The following CTNND2 variants were observed in gnomAD, a reference collection of about 807,000 sequenced individuals.
CTNND2 encodes catenin delta 2, also known as catenin delta-2.
In CTNND2, 22 loss-of-function variants were observed where a neutral mutation model predicts 144.4. The ratio of observed to expected loss-of-function variants is 0.15; its 90% CI spans 0.11 to 0.22. The LOEUF (loss-of-function observed/expected upper bound fraction) is 0.22, where lower values mean the gene tolerates loss of function less well. Ranked by LOEUF, CTNND2 falls within the 10% of genes least tolerant of loss-of-function variation. The pLI is 1.00. For synonymous variants in CTNND2, 751 were observed against 695.6 expected, an observed-to-expected ratio of 1.08 and a Z score of -1.25; for missense variants, 1,353 against 1,618.8, an observed-to-expected ratio of 0.84 and a Z score of 2.82.
intron 1 of CTNND2, among the ~76,000 whole-genome samples, chr5:11,882,463 G>A (rs748000030): frequency 7.3e-5 from 11 of 151,274 alleles, no homozygotes; most frequent in African/African-American, 1.2e-4. Context: ...AAATAATAAG[G>A]GTCTAGTTTA....
At position 11,713,818 on chromosome 5, in the gene CTNND2, A is replaced by G. The variant is rs369105392; in HGVS notation, c.174+18318T>C. On this transcript the variant is annotated intron_variant, in intron 2 of 21. Coordinates refer to ENST00000304623, the MANE Select transcript of CTNND2 (RefSeq NM_001332.4). ...AATGAAATATGTCATGGATTTGAAG[A>G]CTAAAATAAATGGTTTGAAACATTC... 1.5e-4 allele frequency among the ~76,000 whole-genome samples: 23 copies of G among 152,230 alleles called. 1 individual carries two copies. The East Asian group carries it at 2.9e-3, about 19-fold the overall frequency.
At chr5:11,486,623 G>A (rs1158646864) in intron 3 of CTNND2, among the ~76,000 whole-genome samples, 1 of 151,946 alleles carries the variant, frequency 6.6e-6, no homozygotes, top group Non-Finnish European at 1.5e-5. Context: ...AATGAAGGAA[G>A]AGCAGAGAAG....
chr5:11,408,432 G>A (rs1417976163), intron 5 of CTNND2, among the ~76,000 whole-genome samples: 1 of 152,048 alleles, frequency 6.6e-6, no homozygotes, highest in African/African-American at 2.4e-5. Context: ...AGGGCAAATG[G>A]TTCTTAAGAA....
At chr5:11,442,125 G>GT (rs1273531616) in intron 3 of CTNND2, among the ~76,000 whole-genome samples, 1 of 152,110 alleles carries the variant, frequency 6.6e-6, no homozygotes, top group Non-Finnish European at 1.5e-5. Context: ...TTATAATTCT[G>GT]TGAGTCAGAG....
At chr5:11,618,554 C>T (rs1023253732) in intron 2 of CTNND2, among the ~76,000 whole-genome samples, 2 of 152,192 alleles carry the variant, frequency 1.3e-5, no homozygotes, top group African/African-American at 4.8e-5. Flanking sequence ...GGTGCATGCA[C>T]ATATATCTTA....
chr5:11,719,867 CA>C (rs1786563218), intron 2 of CTNND2, among the ~76,000 whole-genome samples: 1 of 149,608 alleles, frequency 6.7e-6, no homozygotes, highest in African/African-American at 2.5e-5. Flanking sequence ...CACACACACA[CA>C]CACACACACC....
chr5:11,064,255 T>C (rs1161262395), intron 16 of CTNND2, among the ~76,000 whole-genome samples: 4 of 152,202 alleles, frequency 2.6e-5, no homozygotes, highest in Non-Finnish European at 4.4e-5. Flanking sequence ...TTTATGCACA[T>C]ATTTGAGCTC....
At chr5:11,775,222 C>T (rs927714797) in intron 1 of CTNND2, among the ~76,000 whole-genome samples, 1 of 152,092 alleles carries the variant, frequency 6.6e-6, no homozygotes, top group Non-Finnish European at 1.5e-5. Flanking sequence ...GAGTGAAAGA[C>T]ATTTCCTAAA....
intron 2 of CTNND2, among the ~76,000 whole-genome samples, chr5:11,719,720 T>A (rs1786550907): frequency 6.6e-6 from 1 of 152,118 alleles, no homozygotes; most frequent in Non-Finnish European, 1.5e-5. Context: ...TTTAGTTAAA[T>A]CTTCACTCTA....
At chr5:11,080,273 T>A (rs778005712) in intron 16 of CTNND2, among the ~76,000 whole-genome samples, 82 of 152,256 alleles carry the variant, frequency 5.4e-4, no homozygotes, top group Non-Finnish European at 8.2e-4. Context: ...AGTTATCACC[T>A]CACACCTATC....
intron 16 of CTNND2, among the ~76,000 whole-genome samples, chr5:11,072,910 C>T (rs1198630830): frequency 1.3e-5 from 2 of 152,370 alleles, no homozygotes; most frequent in South Asian, 2.1e-4. Context: ...CTGCCTCCTT[C>T]TCTTCTAACT....
chr5:11,053,824 C>A (rs375989434), intron 16 of CTNND2, among the ~76,000 whole-genome samples: 5 of 152,272 alleles, frequency 3.3e-5, no homozygotes, highest in African/African-American at 1.2e-4. Flanking sequence ...TGTGTGGTTG[C>A]AGATTACTCT....
At chr5:11,000,515 T>C (rs79565528) in intron 18 of CTNND2, among the ~76,000 whole-genome samples, 19,055 of 152,184 alleles carry the variant, frequency 0.13, 1,256 homozygotes, top group Non-Finnish European at 0.15. Flanking sequence ...AATGAAACTC[T>C]GTCTCAAGAA....
chr5:11,879,828 T>C (rs1237337815), intron 1 of CTNND2, among the ~76,000 whole-genome samples: 2 of 152,218 alleles, frequency 1.3e-5, no homozygotes, highest in Admixed American at 1.3e-4. Context: ...CAGTATTTCA[T>C]TTCTTCATCC....
chr5:11,701,461 CCACT>C (rs1321251873), intron 2 of CTNND2, among the ~76,000 whole-genome samples: 7 of 152,108 alleles, frequency 4.6e-5, no homozygotes, highest in South Asian at 4.1e-4. Context: ...ATGATTCAGA[CCACT>C]CAAAGAATTT....
Position 11,646,208 on chromosome 5 carries a change from T to C in CTNND2, c.175-81152A>G, listed in dbSNP as rs896398326. On this transcript the variant is annotated intron_variant, in intron 2 of 21. Transcript: ENST00000304623. ...CTTTATTACTGTGGATAAAATATGCTGAATATTTACCATGTTATGTTCCAG... is the reference window on the plus strand; with the variant it reads ...CTTTATTACTGTGGATAAAATATGCCGAATATTTACCATGTTATGTTCCAG... Among the ~76,000 whole-genome samples, 6 of 152,200 alleles carry C rather than the reference T, an allele frequency of 3.9e-5. No homozygotes were observed. The South Asian group carries it at 8.3e-4, about 21-fold the overall frequency.
intron 2 of CTNND2, among the ~76,000 whole-genome samples, chr5:11,635,905 T>C (rs946997363): frequency 6.6e-6 from 1 of 152,072 alleles, no homozygotes; most frequent in Non-Finnish European, 1.5e-5. Context: ...AGCATGTATT[T>C]TGGAGTATCT....
chr5:11,813,531 T>C (rs1792460400), intron 1 of CTNND2, among the ~76,000 whole-genome samples: 1 of 152,234 alleles, frequency 6.6e-6, no homozygotes, highest in Non-Finnish European at 1.5e-5. Flanking sequence ...TAATTTGGTC[T>C]TGTACAAGCT....
chr5:11,365,819 G>C (rs770166755), intron 7 of CTNND2, among the ~76,000 whole-genome samples: 2 of 152,184 alleles, frequency 1.3e-5, no homozygotes, highest in Admixed American at 1.3e-4. Flanking sequence ...CACTGGAGCA[G>C]AAACGTCACG....
Sources: allele counts gnomAD v4.1 joint callset (sites outside exome capture counted in the v4.1 genomes callset), GRCh38; gene constraint gnomAD v4.1.1; transcripts MANE v1.5; gene names NCBI Gene and HGNC (gene_info 2026-07-23, HGNC 2026-07-21).